The following NRXN1 variants were observed in gnomAD, a reference collection of about 807,000 sequenced individuals.
NRXN1 encodes the protein neurexin-1.
In NRXN1, 39 loss-of-function variants were observed where a neutral mutation model predicts 150.9. The observed-to-expected ratio is 0.26, with a 90% CI of 0.20 to 0.34. The LOEUF is 0.34. NRXN1 is among the 10% of genes least tolerant of loss of function. The probability of loss-of-function intolerance (pLI) is 1.00; values close to 1 mark genes in which losing one functional copy is unlikely to be tolerated. For missense variants in NRXN1, 1,815 were observed against 1,949.9 expected (o/e 0.93, Z 1.30); for synonymous variants, 924 against 757.0 (o/e 1.22, Z -3.62).
At chr2:50,584,736 C>T (rs758598845) in intron 8 of NRXN1, among the ~76,000 whole-genome samples, 8 of 152,080 alleles carry the variant, frequency 5.3e-5, no homozygotes, top group Non-Finnish European at 1.2e-4. Flanking sequence ...ATTGATGCTG[C>T]CACTATAGTT....
intron 17 of NRXN1, among the ~76,000 whole-genome samples, chr2:50,251,619 A>G (rs1421799005): frequency 6.6e-6 from 1 of 152,116 alleles, no homozygotes; most frequent in African/African-American, 2.4e-5. Flanking sequence ...TGTCTTCCAC[A>G]CTGGTTGAAC....
At chr2:50,251,052 G>A (rs1430983038) in intron 17 of NRXN1, among the ~76,000 whole-genome samples, 1 of 150,746 alleles carries the variant, frequency 6.6e-6, no homozygotes, top group East Asian at 2.0e-4. Context: ...ATTACATGTT[G>A]TATATGTATT....
intron 5 of NRXN1, among the ~76,000 whole-genome samples, chr2:50,637,004 T>C (rs1285718375): frequency 6.6e-6 from 1 of 152,176 alleles, no homozygotes; most frequent in Non-Finnish European, 1.5e-5. Context: ...GACTAGTGTT[T>C]CCCTATGGGC....
At chr2:50,401,849 A>G (rs1217631350) in intron 17 of NRXN1, among the ~76,000 whole-genome samples, 2 of 152,160 alleles carry the variant, frequency 1.3e-5, no homozygotes, top group Non-Finnish European at 2.9e-5. Context: ...ATATCTTGCT[A>G]TATTCAAAGC....
rs114739251 is a variant in NRXN1 at position 50,052,138 on chromosome 2, G to C, written c.4128+1133C>G. The stretch of plus-strand genomic sequence containing the variant: ...CATATTTGGGGTGCTGATACAAACA[G>C]AATTTGCCTTCTATTATTTTCCTTC... On this transcript the variant is annotated intron_variant, in intron 21 of 22. Coordinates refer to ENST00000401669, the MANE Select transcript of NRXN1 (RefSeq NM_001330078.2). 4.8e-3 allele frequency among the ~76,000 whole-genome samples: 733 copies of C among 152,140 alleles called. 7 individuals carry two copies. Among genetic ancestry groups the C allele is most frequent in the African/African-American group, 0.017 (704 of 41,548 alleles).
At chr2:50,812,811 A>G (rs1668411758) in intron 5 of NRXN1, among the ~76,000 whole-genome samples, 1 of 151,330 alleles carries the variant, frequency 6.6e-6, no homozygotes, top group South Asian at 2.1e-4. Flanking sequence ...AAAAAAAAAA[A>G]GAAAAGGAAA....
At chr2:50,718,305 TG>T (rs1440243309) in intron 5 of NRXN1, among the ~76,000 whole-genome samples, 4 of 152,140 alleles carry the variant, frequency 2.6e-5, no homozygotes. Flanking sequence ...AAAAAAAATT[TG>T]GCTTAGCCAC....
At chr2:50,556,208 C>T (rs983993446) in intron 8 of NRXN1, among the ~76,000 whole-genome samples, 1 of 152,118 alleles carries the variant, frequency 6.6e-6, no homozygotes, top group Admixed American at 6.6e-5. Context: ...GTTAGACCTA[C>T]TCTTAAAATG....
At chr2:50,739,374 T>TA in intron 5 of NRXN1, 1 of 357,694 alleles carries the variant, frequency 2.8e-6, no homozygotes, top group South Asian at 2.1e-5. Flanking sequence ...CTATTTCTTT[T>TA]AAATACTTCT....
intron 5 of NRXN1, among the ~76,000 whole-genome samples, chr2:50,720,852 T>C (rs574150123): frequency 6.6e-6 from 1 of 152,074 alleles, no homozygotes; most frequent in Admixed American, 6.6e-5. Flanking sequence ...TCCCACCCCA[T>C]CACTGAAACC....
chr2:50,190,963 C>G (rs1459025772), intron 18 of NRXN1, among the ~76,000 whole-genome samples: 1 of 152,010 alleles, frequency 6.6e-6, no homozygotes, highest in African/African-American at 2.4e-5. Context: ...ATTTACAAAC[C>G]TTTTATTTTG....
At chr2:50,281,240 C>A (rs1409943662) in intron 17 of NRXN1, among the ~76,000 whole-genome samples, 1 of 151,766 alleles carries the variant, frequency 6.6e-6, no homozygotes. Flanking sequence ...TGGCATGAAC[C>A]CGGGAGGCGG....
chr2:50,723,971 T>A (rs1697000880), intron 5 of NRXN1, among the ~76,000 whole-genome samples: 1 of 152,228 alleles, frequency 6.6e-6, no homozygotes, highest in Admixed American at 6.5e-5. Context: ...AGTTCTTGCT[T>A]CATTTTTTCT....
intron 17 of NRXN1, among the ~76,000 whole-genome samples, chr2:50,341,598 A>G (rs955049692): frequency 6.6e-6 from 1 of 152,250 alleles, no homozygotes; most frequent in South Asian, 2.1e-4. Flanking sequence ...TCTGAGAAGT[A>G]TTTAGTCAGA....
intron 17 of NRXN1, among the ~76,000 whole-genome samples, chr2:50,449,804 T>C (rs924978261): frequency 1.3e-5 from 2 of 152,172 alleles, no homozygotes; most frequent in Non-Finnish European, 2.9e-5. Flanking sequence ...AGTATCTCAA[T>C]AGCTACCAAT....
At chr2:50,016,582 G>A (rs1242116832) in intron 21 of NRXN1, 1 of 152,180 alleles carries the variant, frequency 6.6e-6, no homozygotes, top group East Asian at 1.9e-4. Flanking sequence ...CATGGCCGCA[G>A]AAGAGAGAAA....
rs114628486 is a variant in NRXN1, at chr2:50,951,042, A to G, written c.773-25087T>C. Reference sequence around the variant, plus strand: ...GTTCTGACCTCAGCCAAAAAATGTGAGGTCCCTGTATGTCAGTAGTAATAT... The same window carrying G: ...GTTCTGACCTCAGCCAAAAAATGTGGGGTCCCTGTATGTCAGTAGTAATAT... On this transcript the variant is annotated intron_variant, in intron 2 of 22. Coordinates refer to ENST00000401669, the MANE Select transcript of NRXN1 (RefSeq NM_001330078.2). Among the ~76,000 whole-genome samples the G allele has an allele frequency of 5.0e-3, 764 of 152,294 alleles. 5 individuals are homozygous for G. Among genetic ancestry groups the G allele is most frequent in the African/African-American group, 0.018 (749 of 41,556 alleles).
At chr2:50,449,406 C>A (rs2086755575) in intron 17 of NRXN1, among the ~76,000 whole-genome samples, 1 of 152,196 alleles carries the variant, frequency 6.6e-6, no homozygotes, top group Admixed American at 6.5e-5. Flanking sequence ...CCCTCATTTC[C>A]TTAAGTCGAC....
At chr2:49,953,776 C>T (rs1025328708) in intron 21 of NRXN1, among the ~76,000 whole-genome samples, 2 of 151,944 alleles carry the variant, frequency 1.3e-5, no homozygotes, top group Non-Finnish European at 2.9e-5. Flanking sequence ...AAAGTGCCCA[C>T]GATGCAGTGT....
Sources: gnomAD v4.1 joint callset for allele counts (sites outside exome capture counted in the v4.1 genomes callset) on GRCh38, gnomAD v4.1.1 for gene constraint, MANE v1.5 for transcripts, NCBI Gene and HGNC (gene_info 2026-07-23, HGNC 2026-07-21) for gene names.